FLYWCH2: variants seen among roughly 807,000 people sequenced by gnomAD.
The protein encoded by FLYWCH2 is FLYWCH family member 2.
In FLYWCH2, 2 loss-of-function variants were observed where a neutral mutation model predicts 6.0. The observed-to-expected ratio is 0.33, with a 90% CI of 0.14 to 1.04. The LOEUF (loss-of-function observed/expected upper bound fraction) is 1.04, where lower values mean the gene tolerates loss of function less well. Ranked by LOEUF, FLYWCH2 falls within the 50% of genes least tolerant of loss-of-function variation. The probability of loss-of-function intolerance (pLI) is 0.45; values close to 1 mark genes in which losing one functional copy is unlikely to be tolerated. For synonymous variants in FLYWCH2, 87 were observed against 79.3 expected, an observed-to-expected ratio of 1.10 and a Z score of -0.52; for missense variants, 192 against 183.4, an observed-to-expected ratio of 1.05 and a Z score of -0.27.
At chr16:2,896,307 T>C (rs1347834877) in intron 2 of FLYWCH2, 45 bp from the exon 3 acceptor site, 10 of 1,112,564 alleles carry the variant, frequency 9.0e-6, no homozygotes, top group Admixed American at 2.9e-5. Flanking sequence ...GTCTAGAGCC[T>C]CCCAAGGGCT....
intron 3 of FLYWCH2, chr16:2,898,772 C>G: frequency 3.0e-6 from 1 of 333,510 alleles, no homozygotes; most frequent in Middle Eastern, 8.2e-4. Flanking sequence ...CATCCCCACC[C>G]CAGGTCCAGC....
intron 1 of FLYWCH2, among the ~76,000 whole-genome samples, chr16:2,889,795 A>G (rs1038670263): frequency 3.1e-4 from 47 of 152,174 alleles, no homozygotes; most frequent in Non-Finnish European, 1.3e-4. Context: ...TGTTGGTACA[A>G]GACTACAGAA....
intron 1 of FLYWCH2, among the ~76,000 whole-genome samples, chr16:2,890,161 C>T (rs1009194262): frequency 2.6e-5 from 4 of 151,238 alleles, no homozygotes; most frequent in Non-Finnish European, 2.9e-5. Context: ...TTTTTGTGTT[C>T]GGAGGTGTAA....
At position 2,899,034 on chromosome 16, in the gene FLYWCH2, C is replaced by G. The variant is rs1486788896; in HGVS notation, c.323-15C>G. On this transcript the variant is annotated splice_polypyrimidine_tract_variant and intron_variant, in intron 3 of 3. Transcript: ENST00000396958. ...CTCCATTGACACCAGCCTGATCCAC[C>G]CTCTTCTCTCGCAGGCACAGACAGA... The G allele has an allele frequency of 6.2e-7, 1 of 1,604,256 alleles. No individual in the cohort carries two copies. Among genetic ancestry groups the G allele is most frequent in the Non-Finnish European group, 8.5e-7 (1 of 1,174,568 alleles).
chr16:2,898,723 G>A, intron 3 of FLYWCH2: 2 of 256,196 alleles, frequency 7.8e-6, no homozygotes, highest in Non-Finnish European at 1.5e-5. Flanking sequence ...ATCACCCTCA[G>A]GCATCGACCA....
intron 1 of FLYWCH2, among the ~76,000 whole-genome samples, chr16:2,894,538 C>A (rs1467757493): frequency 1.3e-5 from 2 of 152,202 alleles, no homozygotes; most frequent in Non-Finnish European, 2.9e-5. Context: ...CCCCGGCATC[C>A]CCACATCGCC....
Position 2,899,208 on chromosome 16 carries a change from C to T in FLYWCH2, c.*59C>T, listed in dbSNP as rs1052167. The T allele has an allele frequency of 0.021, 26,530 of 1,252,700 alleles. 408 individuals are homozygous for T. Among genetic ancestry groups the T allele is most frequent in the Non-Finnish European group, 0.026 (23,468 of 899,536 alleles). The allele number at this position is 1,252,700 out of a possible 1,614,324, so 77.6% of individuals were successfully genotyped here. ...ACCCAGCCATAGGCTCTTCTCTGTC[C>T]GCAGGGCTTCTGGGGCCAAATGGGT... On this transcript the variant is annotated 3_prime_UTR_variant, in exon 4 of 4. Transcript: ENST00000396958.
intron 1 of FLYWCH2, among the ~76,000 whole-genome samples, chr16:2,884,575 A>AAAAAAAAAAC (rs1200672553): frequency 7.0e-6 from 1 of 143,790 alleles, no homozygotes; most frequent in Non-Finnish European, 1.5e-5. Context: ...AAAAAAAAAA[A>AAAAAAAAAAC]AATACAAAAA....
chr16:2,896,667 C>G lies in FLYWCH2; in HGVS notation c.218C>G (p.Pro73Arg), dbSNP rs2069824650. The G allele has an allele frequency of 6.2e-6, 10 of 1,613,270 alleles. No homozygotes were observed. In the East Asian group the frequency reaches 2.2e-4, roughly 36 times the overall value. ...GTCATGTCCCTGGGGGTGCCCGGCC[C>G]CGCCACCCTTGCCAAGGCCCTCCTC... Reference protein sequence around the residue: ...HCVMSLGVPGPATLAKALLQT... With the variant: ...HCVMSLGVPGRATLAKALLQT... Residue 73 changes from proline (P) to arginine (R), a missense_variant, in exon 3 of 4, where the codon CCC becomes CGC. By Grantham distance (103) the Pro-to-Arg change is moderately radical. Transcript: ENST00000396958.
At chr16:2,893,634 C>CTTTTT (rs35147234) in intron 1 of FLYWCH2, among the ~76,000 whole-genome samples, 4 of 111,928 alleles carry the variant, frequency 3.6e-5, no homozygotes, top group East Asian at 5.3e-4. Flanking sequence ...TTCTTTTCTT[C>CTTTTT]TTTTTTTTTT....
Position 2,896,517 on chromosome 16 carries a change from A to C in FLYWCH2, c.68A>C (p.Lys23Thr). 5 of 1,614,114 alleles carry C rather than the reference A, an allele frequency of 3.1e-6. No homozygotes were observed. Among genetic ancestry groups the C allele is most frequent in the Non-Finnish European group, 4.2e-6 (5 of 1,179,984 alleles). ...AAGGCCAGCCAGGAGCCATCCCCCAAGCCAGGCACAGAAGTCATCCCGGCA... is the reference window on the plus strand; with the variant it reads ...AAGGCCAGCCAGGAGCCATCCCCCACGCCAGGCACAGAAGTCATCCCGGCA... ...SVKASQEPSP[K>T]PGTEVIPAAP... The change falls in exon 3 of 4, where the codon AAG becomes ACG. Residue 23 changes from lysine (K) to threonine (T), a missense_variant. Coordinates refer to ENST00000396958, the MANE Select transcript of FLYWCH2 (RefSeq NM_138439.3).
At chr16:2,883,602 C>T (rs193071818) in intron 1 of FLYWCH2, among the ~76,000 whole-genome samples, 292 of 152,278 alleles carry the variant, frequency 1.9e-3, no homozygotes, top group African/African-American at 6.9e-3. Flanking sequence ...GAAGGAGGTC[C>T]GCACTCGCCC....
At chr16:2,898,508 G>A (rs908712980) in intron 3 of FLYWCH2, among the ~76,000 whole-genome samples, 3 of 152,190 alleles carry the variant, frequency 2.0e-5, no homozygotes, top group Non-Finnish European at 4.4e-5. Flanking sequence ...AGAGGGGGTT[G>A]GAGTCTGGCT....
At chr16:2,885,427 A>G (rs1036642902) in intron 1 of FLYWCH2, among the ~76,000 whole-genome samples, 3 of 152,224 alleles carry the variant, frequency 2.0e-5, no homozygotes, top group Admixed American at 6.5e-5. Context: ...TCATCACCCC[A>G]TAAAGCACAT....
At position 2,890,767 on chromosome 16, in the gene FLYWCH2, A is replaced by T. The variant is rs2069748546; in HGVS notation, c.-199-4453A>T. Among the ~76,000 whole-genome samples the T allele has an allele frequency of 4.6e-5, 7 of 152,146 alleles. No individual in the cohort carries two copies. The South Asian group carries it at 1.5e-3, about 32-fold the overall frequency. ...TTTTTACTGGAGACGGAGTTTAGCCATGTTAGCCAGGCTGATCTTGACCTC... is the reference window on the plus strand; with the variant it reads ...TTTTTACTGGAGACGGAGTTTAGCCTTGTTAGCCAGGCTGATCTTGACCTC... On this transcript the variant is annotated intron_variant, in intron 1 of 3. Transcript: ENST00000396958.
At chr16:2,896,851 G>A (rs781054907) in intron 3 of FLYWCH2, 80 bp downstream of exon 3, 9 of 1,320,180 alleles carry the variant, frequency 6.8e-6, no homozygotes, top group South Asian at 2.6e-5. Context: ...TCCATCAGGC[G>A]CTTCTCCCTG....
chr16:2,890,067 C>G (rs1012093224), intron 1 of FLYWCH2, among the ~76,000 whole-genome samples: 8 of 148,348 alleles, frequency 5.4e-5, no homozygotes, highest in African/African-American at 2.0e-4. Flanking sequence ...AGCAATATAC[C>G]AAGACCCTGT....
chr16:2,898,554 C>G (rs971807190), intron 3 of FLYWCH2, among the ~76,000 whole-genome samples: 6 of 152,196 alleles, frequency 3.9e-5, no homozygotes, highest in African/African-American at 1.2e-4. Context: ...TGGAATGAGA[C>G]CATCTCAAGG....
In FLYWCH2 at chr16:2,896,412, G is replaced by T; in HGVS notation, c.-38G>T. ...AGTAGGAGAAATCCACCTGCTGGGG[G>T]CTGAGTGTGGCCTGAGGGACAGGCC... On this transcript the variant is annotated 5_prime_UTR_variant, in exon 3 of 4. Coordinates refer to ENST00000396958, the MANE Select transcript of FLYWCH2 (RefSeq NM_138439.3). 1 of 1,568,720 alleles carries T rather than the reference G, an allele frequency of 6.4e-7. No homozygotes were observed. Among genetic ancestry groups the T allele is most frequent in the Non-Finnish European group, 8.6e-7 (1 of 1,159,640 alleles).
Sources: allele counts gnomAD v4.1 joint callset (sites outside exome capture counted in the v4.1 genomes callset), GRCh38; gene constraint gnomAD v4.1.1; transcripts MANE v1.5; gene names NCBI Gene and HGNC (gene_info 2026-07-23, HGNC 2026-07-21).